Variants in INTS4 observed in about 807,000 individuals in gnomAD.
INTS4 encodes the protein integrator complex subunit 4.
Under a neutral mutation model 119.5 loss-of-function variants are expected in INTS4, and 70 were observed. The ratio of observed to expected loss-of-function variants is 0.59; its 90% CI spans 0.48 to 0.71. The LOEUF (loss-of-function observed/expected upper bound fraction) is 0.71, where lower values mean the gene tolerates loss of function less well. Ranked by LOEUF, INTS4 falls within the 30% of genes least tolerant of loss-of-function variation. The probability of loss-of-function intolerance (pLI) is 0.00; values close to 1 mark genes in which losing one functional copy is unlikely to be tolerated. For synonymous variants in INTS4, 316 were observed against 419.6 expected, an observed-to-expected ratio of 0.75 and a Z score of 3.02; for missense variants, 867 against 1,173.2, an observed-to-expected ratio of 0.74 and a Z score of 3.81.
At chr11:77,895,751 C>A (rs1265569855) in intron 18 of INTS4, among the ~76,000 whole-genome samples, 1 of 151,994 alleles carries the variant, frequency 6.6e-6, no homozygotes, top group Non-Finnish European at 1.5e-5. Context: ...TATAGAGAAT[C>A]ATCTTGGAGA....
chr11:77,965,028 A>T lies in INTS4; in HGVS notation c.472-3890T>A, dbSNP rs988863795. On this transcript the variant is annotated intron_variant, in intron 4 of 22. Coordinates refer to ENST00000534064, the MANE Select transcript of INTS4 (RefSeq NM_033547.4). ...GCTAATTAACATATATCCATCACCTATCATTTTTTGTGGTGAGACATTTGA... is the reference window on the plus strand; with the variant it reads ...GCTAATTAACATATATCCATCACCTTTCATTTTTTGTGGTGAGACATTTGA... 4.6e-5 allele frequency among the ~76,000 whole-genome samples: 7 copies of T among 152,170 alleles called. No individual in the cohort carries two copies. The South Asian group carries it at 1.4e-3, about 32-fold the overall frequency.
chr11:77,973,844 CTAGTATTTTGT>C (rs1855832404), intron 4 of INTS4, among the ~76,000 whole-genome samples: 1 of 152,124 alleles, frequency 6.6e-6, no homozygotes, highest in African/African-American at 2.4e-5. Context: ...AGTTGATTTG[CTAGTATTTTGT>C]TAAAGATATT....
chr11:77,938,227 T>A (rs1008347099), intron 10 of INTS4, among the ~76,000 whole-genome samples: 9 of 152,200 alleles, frequency 5.9e-5, no homozygotes, highest in African/African-American at 2.2e-4. Flanking sequence ...ATACCTAGGT[T>A]TAAATCTTGC....
At chr11:77,905,882 C>T (rs959569771) in intron 16 of INTS4, among the ~76,000 whole-genome samples, 1 of 152,088 alleles carries the variant, frequency 6.6e-6, no homozygotes, top group Non-Finnish European at 1.5e-5. Flanking sequence ...ACTGTTAGAC[C>T]CACCCAACTG....
intron 22 of INTS4, 111 bp from the exon 23 acceptor site, chr11:77,879,238 A>G (rs1268145337): frequency 1.8e-6 from 2 of 1,117,688 alleles, no homozygotes; most frequent in South Asian, 1.5e-5. Flanking sequence ...AAATTTCTTC[A>G]TCCGTCTACA....
At chr11:77,951,231 A>T (rs537846195) in intron 8 of INTS4, among the ~76,000 whole-genome samples, 11 of 152,308 alleles carry the variant, frequency 7.2e-5, no homozygotes, top group Middle Eastern at 3.4e-3. Flanking sequence ...TCCTTTGGGT[A>T]TAGACCCAGT....
chr11:77,984,031 A>T (rs1856355281), intron 2 of INTS4, among the ~76,000 whole-genome samples: 1 of 152,228 alleles, frequency 6.6e-6, no homozygotes, highest in South Asian at 2.1e-4. Context: ...ATATACACAT[A>T]ATGGAATATT....
chr11:77,882,940 C>T (rs1287323728), intron 22 of INTS4, among the ~76,000 whole-genome samples: 3 of 151,954 alleles, frequency 2.0e-5, no homozygotes, highest in South Asian at 2.1e-4. Flanking sequence ...GGTGTAGTGA[C>T]GTGCACCTGT....
chr11:77,874,741 TAAGAC>T (rs919788974), downstream of INTS4, among the ~76,000 whole-genome samples: 1 of 152,098 alleles, frequency 6.6e-6, no homozygotes. Context: ...CCTGAGTGGT[TAAGAC>T]AAGAAGTTGG....
intron 10 of INTS4, among the ~76,000 whole-genome samples, chr11:77,934,619 A>G (rs1953747129): frequency 6.6e-6 from 1 of 152,172 alleles, no homozygotes; most frequent in South Asian, 2.1e-4. Context: ...ATAAAAAAAT[A>G]AAAAAATAAA....
At chr11:77,929,096 C>T (rs1458556193) in intron 10 of INTS4, among the ~76,000 whole-genome samples, 1 of 151,936 alleles carries the variant, frequency 6.6e-6, no homozygotes, top group African/African-American at 2.4e-5. Flanking sequence ...ACCAAAGTCC[C>T]AGCTACTCAG....
At chr11:77,875,431 T>C (rs1951569279), downstream of INTS4, among the ~76,000 whole-genome samples, 1 of 152,176 alleles carries the variant, frequency 6.6e-6, no homozygotes, top group Admixed American at 6.5e-5. Flanking sequence ...TTTTTTAACT[T>C]TCATGAAAAT....
chr11:77,988,915 G>A (rs1856556382), intron 2 of INTS4, among the ~76,000 whole-genome samples: 1 of 152,184 alleles, frequency 6.6e-6, no homozygotes, highest in South Asian at 2.1e-4. Flanking sequence ...AAGACTGAAT[G>A]CCATGTGGGG....
In INTS4 at chr11:77,891,376, C is replaced by A. The variant is rs1280162707; in HGVS notation, c.2535G>T (p.Leu845=). The A allele has an allele frequency of 1.9e-6, 3 of 1,611,830 alleles. No individual in the cohort carries two copies. Among genetic ancestry groups the A allele is most frequent in the Non-Finnish European group, 2.5e-6 (3 of 1,179,000 alleles). The change falls in exon 21 of 23, where the codon CTG becomes CTT. Residue 845 remains leucine (L), a synonymous_variant. Transcript: ENST00000534064. ...CATGCTCCAGGGTTGCATCAACATCCAGGGCAACCACCAACCCAGAGGTAA... is the reference window on the plus strand; with the variant it reads ...CATGCTCCAGGGTTGCATCAACATCAAGGGCAACCACCAACCCAGAGGTAA... ...LRFTSGLVVA[L]DVDATLEHVQ... is the part of the protein sequence containing the mutation.
chr11:77,881,875 T>C (rs1416398091), intron 22 of INTS4, among the ~76,000 whole-genome samples: 1 of 151,992 alleles, frequency 6.6e-6, no homozygotes. Flanking sequence ...GTAGCGACCA[T>C]TCAGAGGAGG....
intron 10 of INTS4, 141 bp from the exon 11 acceptor site, chr11:77,928,688 A>C (rs1953571274): frequency 7.4e-7 from 1 of 1,344,406 alleles, no homozygotes; most frequent in Non-Finnish European, 1.0e-6. Context: ...TTCTACCAAA[A>C]ATATTAAAAA....
At chr11:77,958,057 C>CA (rs1485216227) in intron 7 of INTS4, among the ~76,000 whole-genome samples, 3 of 152,026 alleles carry the variant, frequency 2.0e-5, no homozygotes, top group Non-Finnish European at 4.4e-5. Flanking sequence ...TTCCAGTTAG[C>CA]CCTTTTCTTT....
intron 8 of INTS4, among the ~76,000 whole-genome samples, chr11:77,955,123 T>C (rs1745990948): frequency 6.6e-6 from 1 of 152,052 alleles, no homozygotes; most frequent in African/African-American, 2.4e-5. Flanking sequence ...AAGGATCACT[T>C]GAGCCTAGGA....
chr11:77,878,157 T>TTG (rs1951653350), downstream of INTS4, among the ~76,000 whole-genome samples: 5 of 151,982 alleles, frequency 3.3e-5, no homozygotes, highest in Admixed American at 3.3e-4. Flanking sequence ...GGTCAGGAGA[T>TTG]CAAGACCATC....
Sources: gnomAD v4.1 joint callset for allele counts (sites outside exome capture counted in the v4.1 genomes callset) on GRCh38, gnomAD v4.1.1 for gene constraint, MANE v1.5 for transcripts, NCBI Gene and HGNC (gene_info 2026-07-23, HGNC 2026-07-21) for gene names.